The following UTP18 variants were observed in gnomAD, a reference collection of about 807,000 sequenced individuals.
UTP18 encodes the protein UTP18 small subunit processome component, also known as U3 small nucleolar RNA-associated protein 18 homolog.
In UTP18, 36 loss-of-function variants were observed where a neutral mutation model predicts 61.1. That is an observed-to-expected ratio of 0.59 (90% CI 0.45 to 0.78). The LOEUF (loss-of-function observed/expected upper bound fraction) is 0.78, where lower values mean the gene tolerates loss of function less well. Among genes scored for constraint, UTP18 ranks in the 30% least tolerant of loss-of-function variants. UTP18 has a pLI of 0.00. For synonymous variants in UTP18, 282 were observed against 251.1 expected (o/e 1.12, Z -1.16); for missense variants, 753 against 693.9 (o/e 1.09, Z -0.96).
At chr17:51,279,514 T>G (rs895719444) in intron 7 of UTP18, among the ~76,000 whole-genome samples, 3 of 152,068 alleles carry the variant, frequency 2.0e-5, no homozygotes. Context: ...TTGTTTTTGT[T>G]TTTGACTCAC....
chr17:51,292,556 CTT>C (rs1265613527), intron 11 of UTP18, among the ~76,000 whole-genome samples: 2 of 152,238 alleles, frequency 1.3e-5, no homozygotes, highest in Admixed American at 1.3e-4. Context: ...GTGAAAATCA[CTT>C]TGATGGTATA....
In UTP18 at chr17:51,288,028, G is replaced by A. The variant is rs1251767797; in HGVS notation, c.1329-1G>A. 6.4e-7 allele frequency: 1 copy of A among 1,568,222 alleles called. No individual in the cohort carries two copies. Among genetic ancestry groups the A allele is most frequent in the Non-Finnish European group, 8.6e-7 (1 of 1,164,838 alleles). ...CTATTTTAATCCTTTTCTCTTTGTA[G>A]TTCTAATTGTGGAGTGGTAAATATA... On this transcript the variant is annotated splice_acceptor_variant, in intron 10 of 13. Transcript: ENST00000225298. LOFTEE classifies it high-confidence loss of function.
In UTP18 at chr17:51,263,321, A is replaced by ACCTCC; in HGVS notation, c.390_391insCCTCC (p.Lys131ProfsTer27). Reference sequence around the variant, plus strand: ...GTGACTCAGAAGTGGAGAATGAAGCAAAAGGTAATTTTCCACCTCAAAAGA... The same window carrying ACCTCC: ...GTGACTCAGAAGTGGAGAATGAAGCACCTCCAAAGGTAATTTTCCACCTCAAAAGA... On this transcript the variant is annotated frameshift_variant, in exon 2 of 14. Coordinates refer to ENST00000225298, the MANE Select transcript of UTP18 (RefSeq NM_016001.3). LOFTEE classifies it high-confidence loss of function. The ACCTCC allele has an allele frequency of 1.2e-6, 2 of 1,614,226 alleles. No homozygotes were observed. Among genetic ancestry groups the ACCTCC allele is most frequent in the Non-Finnish European group, 1.7e-6 (2 of 1,180,028 alleles).
intron 9 of UTP18, among the ~76,000 whole-genome samples, chr17:51,283,702 C>T (rs893850755): frequency 2.6e-5 from 4 of 151,170 alleles, no homozygotes; most frequent in African/African-American, 9.7e-5. Context: ...CATCCTCTGC[C>T]TCCTGGGTTC....
At chr17:51,281,173 A>G (rs1236098457) in intron 9 of UTP18, among the ~76,000 whole-genome samples, 3 of 125,300 alleles carry the variant, frequency 2.4e-5, no homozygotes, top group Non-Finnish European at 5.0e-5. Flanking sequence ...TATTTTTTTT[A>G]AACGAAAAGT....
At chr17:51,283,996 T>A (rs1047331874) in intron 9 of UTP18, among the ~76,000 whole-genome samples, 2 of 152,254 alleles carry the variant, frequency 1.3e-5, no homozygotes, top group Non-Finnish European at 2.9e-5. Context: ...TTGCTTTTGA[T>A]CTCTTCCCAT....
intron 12 of UTP18, among the ~76,000 whole-genome samples, chr17:51,294,716 C>A (rs1905318850): frequency 6.6e-6 from 1 of 151,876 alleles, no homozygotes; most frequent in Non-Finnish European, 1.5e-5. Flanking sequence ...GGGTATATAC[C>A]CAGTAATGGG....
chr17:51,285,443 G>C, intron 10 of UTP18, 75 bp downstream of exon 10: 1 of 1,537,076 alleles, frequency 6.5e-7, no homozygotes, highest in Non-Finnish European at 8.9e-7. Context: ...GAATATACTA[G>C]GTGGTGCATG....
Position 51,277,125 on chromosome 17 carries a change from T to TAA in UTP18, c.838-4_838-3insAA. The TAA allele has an allele frequency of 6.2e-7, 1 of 1,613,516 alleles. No homozygotes were observed. Among genetic ancestry groups the TAA allele is most frequent in the East Asian group, 2.2e-5 (1 of 44,868 alleles). ...TCAAAAGAACCATTTTGTACTTCTTTATAGGTTGATGGGAAAACAAATCCT... is the reference window on the plus strand; with the variant it reads ...TCAAAAGAACCATTTTGTACTTCTTTAAATAGGTTGATGGGAAAACAAATCCT... On this transcript the variant is annotated splice_polypyrimidine_tract_variant and splice_region_variant and intron_variant, in intron 6 of 13. Coordinates refer to ENST00000225298, the MANE Select transcript of UTP18 (RefSeq NM_016001.3).
intron 3 of UTP18, among the ~76,000 whole-genome samples, 168 bp downstream of exon 3, chr17:51,266,448 C>G (rs1192237455): frequency 6.6e-6 from 1 of 152,004 alleles, no homozygotes; most frequent in East Asian, 1.9e-4. Context: ...GGGGACAAAA[C>G]ACAGACACAA....
chr17:51,273,540 T>A lies in UTP18; in HGVS notation c.711+90T>A, dbSNP rs1346522378. ...CAGTAGCAGATGTATGGATTCCTATTATCTGTGGGGTTAAATATGTTTGCT... is the reference window on the plus strand; with the variant it reads ...CAGTAGCAGATGTATGGATTCCTATAATCTGTGGGGTTAAATATGTTTGCT... On this transcript the variant is annotated intron_variant, in intron 5 of 13. Coordinates refer to ENST00000225298, the MANE Select transcript of UTP18 (RefSeq NM_016001.3). The A allele has an allele frequency of 5.9e-6, 5 of 844,956 alleles. No homozygotes were observed. In the African/African-American group the frequency reaches 6.8e-5, roughly 12 times the overall value. The allele number at this position is 844,956 out of a possible 1,614,324, so 52.3% of individuals were successfully genotyped here.
rs2055432823 is a variant in UTP18, at chr17:51,260,741, C to A, written c.157C>A (p.Arg53=). The A allele has an allele frequency of 6.3e-7, 1 of 1,584,386 alleles. No individual in the cohort carries two copies. The highest frequency in any genetic ancestry group is 8.6e-7 in the Non-Finnish European group (1 of 1,166,306). Residue 53 remains arginine, a synonymous_variant, in exon 1 of 14, where the codon CGG becomes AGG. Transcript: ENST00000225298. ...TTCATCCCAGCGGAAACCGCCGGCC[C>A]GGCCGAGCGCGGCGGCCGCTGCGAT... is the stretch of plus-strand genomic sequence containing the variant. The part of the protein sequence containing the change: ...APSSQRKPPA[R]PSAAAAAIAV...
intron 7 of UTP18, among the ~76,000 whole-genome samples, chr17:51,279,294 T>G (rs896263465): frequency 1.3e-5 from 2 of 152,196 alleles, no homozygotes; most frequent in Non-Finnish European, 2.9e-5. Context: ...AACTTGGCTC[T>G]CTAAGCATTT....
At chr17:51,287,513 C>T (rs1302656028) in intron 10 of UTP18, among the ~76,000 whole-genome samples, 3 of 152,012 alleles carry the variant, frequency 2.0e-5, no homozygotes, top group African/African-American at 7.2e-5. Context: ...TTCTCAGGCT[C>T]CAGGCCTGTG....
intron 9 of UTP18, among the ~76,000 whole-genome samples, chr17:51,283,543 A>G (rs922548349): frequency 6.6e-6 from 1 of 152,022 alleles, no homozygotes; most frequent in African/African-American, 2.4e-5. Context: ...CATGTAAAGA[A>G]TAATTTGAGA....
chr17:51,263,214 T>A, intron 1 of UTP18, 60 bp from the exon 2 acceptor site: 1 of 1,407,962 alleles, frequency 7.1e-7, no homozygotes, highest in Non-Finnish European at 1.0e-6. Context: ...GTAAGGCCTA[T>A]GTGTCTGCAG....
At chr17:51,264,480 G>A (rs1206129159) in intron 2 of UTP18, among the ~76,000 whole-genome samples, 2 of 152,130 alleles carry the variant, frequency 1.3e-5, no homozygotes, top group Admixed American at 6.6e-5. Context: ...AAAGAGCACA[G>A]TTATTTTTAA....
Position 51,293,935 on chromosome 17 carries a change from C to A in UTP18, c.1536C>A (p.Asn512Lys). 6.2e-7 allele frequency: 1 copy of A among 1,601,140 alleles called. No homozygotes were observed. The highest frequency in any genetic ancestry group is 8.5e-7 in the Non-Finnish European group (1 of 1,173,790). Residue 512 changes from asparagine (N) to lysine (K), a missense_variant, in exon 12 of 14, where the codon AAC becomes AAA. Transcript: ENST00000225298. ...TTCCTTCCTGTACAGTATTTTCAAA[C>A]TTCCCAGTCATTAAAAATAAGAATA... ...VHLPSCTVFS[N>K]FPVIKNKNIS...
intron 1 of UTP18, 116 bp downstream of exon 1, chr17:51,261,042 G>T (rs866709345): frequency 1.0e-6 from 1 of 966,232 alleles, no homozygotes; most frequent in South Asian, 3.8e-5. Context: ...GCTCAGGTGG[G>T]AGGGAGCCCG....
Sources: gnomAD v4.1 joint callset for allele counts (sites outside exome capture counted in the v4.1 genomes callset) on GRCh38, gnomAD v4.1.1 for gene constraint, MANE v1.5 for transcripts, NCBI Gene and HGNC (gene_info 2026-07-23, HGNC 2026-07-21) for gene names.